Variants in NCAPG2 observed in about 807,000 individuals in gnomAD.
NCAPG2 encodes the protein condensin-2 complex subunit G2.
In NCAPG2, 53 loss-of-function variants were observed where a neutral mutation model predicts 141.1. That is an observed-to-expected ratio of 0.38 (90% CI 0.30 to 0.47). The LOEUF is 0.47. Among genes scored for constraint, NCAPG2 ranks in the 20% least tolerant of loss-of-function variants. The pLI, the probability that NCAPG2 is intolerant of heterozygous loss-of-function variation, is 0.99. For synonymous variants in NCAPG2, 499 were observed against 490.7 expected, an observed-to-expected ratio of 1.02 and a Z score of -0.22; for missense variants, 1,087 against 1,389.0, an observed-to-expected ratio of 0.78 and a Z score of 3.46.
intron 17 of NCAPG2, among the ~76,000 whole-genome samples, chr7:158,656,909 A>C (rs1832023630): frequency 6.6e-6 from 1 of 152,210 alleles, no homozygotes; most frequent in African/African-American, 2.4e-5. Context: ...AAGACCTGAG[A>C]CCAGCTCTGG....
chr7:158,642,274 A>C (rs565972380), intron 27 of NCAPG2, among the ~76,000 whole-genome samples: 1 of 152,370 alleles, frequency 6.6e-6, no homozygotes, highest in South Asian at 2.1e-4. Flanking sequence ...ATGGTGGCTC[A>C]CACTGGTAAT....
chr7:158,683,439 G>C, intron 8 of NCAPG2, 53 bp from the exon 9 acceptor site: 1 of 1,356,482 alleles, frequency 7.4e-7, no homozygotes, highest in South Asian at 1.3e-5. Flanking sequence ...TCCTACTGAC[G>C]ACCTGACAAG....
chr7:158,680,922 A>G (rs775681765), intron 9 of NCAPG2, 106 bp from the exon 10 acceptor site: 17 of 768,926 alleles, frequency 2.2e-5, no homozygotes, highest in Non-Finnish European at 2.8e-5. Flanking sequence ...CTCCACCACA[A>G]GTAGGCTCTG....
At position 158,645,531 on chromosome 7, in the gene NCAPG2, C is replaced by T. The variant is rs1329782378; in HGVS notation, c.3268G>A (p.Val1090Ile). ...GAATGTAACCAACCTGCATTAATAA[C>T]CAGGATAATATGCACAGCAGCCGTG... is the stretch of plus-strand genomic sequence containing the variant. Reference protein sequence around the residue: ...CLTAAVHIILVINAGKHKSSK... With the variant: ...CLTAAVHIILIINAGKHKSSK... The change falls in exon 26 of 28, where the codon GTT becomes ATT. Residue 1090 changes from valine (V) to isoleucine (I), a missense_variant. Transcript: ENST00000356309. 1 of 1,614,006 alleles carries T rather than the reference C, an allele frequency of 6.2e-7. No individual in the cohort carries two copies. The highest frequency in any genetic ancestry group is 1.3e-5 in the African/African-American group (1 of 74,928).
intron 12 of NCAPG2, among the ~76,000 whole-genome samples, chr7:158,673,877 A>T (rs1687674464): frequency 6.6e-6 from 1 of 152,234 alleles, no homozygotes; most frequent in Non-Finnish European, 1.5e-5. Flanking sequence ...ATCCAGAGGG[A>T]CAAGGGAATG....
At chr7:158,647,258 G>T (rs2129457838) in intron 24 of NCAPG2, among the ~76,000 whole-genome samples, 1 of 152,246 alleles carries the variant, frequency 6.6e-6, no homozygotes, top group East Asian at 1.9e-4. Context: ...TTGGGGGATT[G>T]GGAGGCTGTG....
intron 1 of NCAPG2, among the ~76,000 whole-genome samples, chr7:158,702,881 A>C (rs1213376946): frequency 6.6e-6 from 1 of 152,250 alleles, no homozygotes; most frequent in African/African-American, 2.4e-5. Flanking sequence ...TGGCTGAACT[A>C]TGAACTACGG....
chr7:158,647,157 T>C (rs1264264661), intron 24 of NCAPG2, among the ~76,000 whole-genome samples: 5 of 152,250 alleles, frequency 3.3e-5, no homozygotes, highest in Non-Finnish European at 7.3e-5. Context: ...CTGTAAATAA[T>C]GTGCTTTTAT....
intron 5 of NCAPG2, 31 bp downstream of exon 5, chr7:158,690,537 C>G: frequency 6.3e-7 from 1 of 1,599,162 alleles, no homozygotes; most frequent in Non-Finnish European, 8.6e-7. Flanking sequence ...GAGAGAGACC[C>G]TGTCTTTAAA....
At chr7:158,679,924 A>T in intron 11 of NCAPG2, 36 bp downstream of exon 11, 3 of 1,609,616 alleles carry the variant, frequency 1.9e-6, no homozygotes, top group Non-Finnish European at 2.5e-6. Context: ...GACAAAGCTG[A>T]TATCTGTAAG....
intron 1 of NCAPG2, among the ~76,000 whole-genome samples, chr7:158,702,895 T>C (rs1350361165): frequency 6.6e-6 from 1 of 152,252 alleles, no homozygotes; most frequent in Non-Finnish European, 1.5e-5. Context: ...ACTACGGTCA[T>C]GGACCACATA....
At position 158,658,417 on chromosome 7, in the gene NCAPG2, G is replaced by GA; in HGVS notation, c.1990-10dup. 6.3e-7 allele frequency: 1 copy of GA among 1,596,486 alleles called. No homozygotes were observed. On this transcript the variant is annotated splice_polypyrimidine_tract_variant and intron_variant, in intron 16 of 27. Coordinates refer to ENST00000356309, the MANE Select transcript of NCAPG2 (RefSeq NM_017760.7). ...ATCTTGCAGCGATCATCCTAAAAGC[G>GA]AAAAAAGAAAAACAAAACAAAGCAT...
intron 1 of NCAPG2, among the ~76,000 whole-genome samples, chr7:158,704,262 G>A (rs1400887823): frequency 2.9e-5 from 4 of 138,086 alleles, no homozygotes; most frequent in Admixed American, 7.1e-5. Flanking sequence ...TGAGGGCAGT[G>A]CCCATGCTCA....
chr7:158,692,198 T>A (rs3763405), intron 4 of NCAPG2, among the ~76,000 whole-genome samples: 18 of 152,192 alleles, frequency 1.2e-4, no homozygotes, highest in Non-Finnish European at 2.5e-4. Flanking sequence ...TCCCAGCTAC[T>A]AAGGAGGCTG....
At chr7:158,646,410 C>T (rs765194694) in intron 25 of NCAPG2, 50 bp downstream of exon 25, 185 of 1,367,022 alleles carry the variant, frequency 1.4e-4, no homozygotes, top group Admixed American at 2.0e-4. Context: ...AGCTGCTGAG[C>T]GCTTACAGCC....
chr7:158,637,542 G>GGGGGAC (rs1442708077), intron 27 of NCAPG2, among the ~76,000 whole-genome samples: 2 of 152,112 alleles, frequency 1.3e-5, no homozygotes, highest in Admixed American at 6.5e-5. Context: ...ACAGGAGCCT[G>GGGGGAC]TGGGACTCAA....
intron 26 of NCAPG2, among the ~76,000 whole-genome samples, chr7:158,644,628 G>A (rs1830873490): frequency 6.6e-6 from 1 of 152,184 alleles, no homozygotes; most frequent in Admixed American, 6.5e-5. Flanking sequence ...AGCCATGAGA[G>A]GAAGGATTAT....
chr7:158,637,972 C>T (rs1234348841), intron 27 of NCAPG2, among the ~76,000 whole-genome samples: 5 of 151,988 alleles, frequency 3.3e-5, no homozygotes, highest in African/African-American at 9.7e-5. Flanking sequence ...GGTGAAACTC[C>T]GTCTCTACTA....
intron 2 of NCAPG2, among the ~76,000 whole-genome samples, chr7:158,694,540 G>A (rs73522723): frequency 8.3e-4 from 127 of 152,256 alleles, no homozygotes; most frequent in African/African-American, 2.9e-3. Flanking sequence ...TGACAGCGCC[G>A]AGGACCTAAC....
Sources: allele counts gnomAD v4.1 joint callset (sites outside exome capture counted in the v4.1 genomes callset), GRCh38; gene constraint gnomAD v4.1.1; transcripts MANE v1.5; gene names NCBI Gene and HGNC (gene_info 2026-07-23, HGNC 2026-07-21).